Variants in CLIP1 observed in about 807,000 individuals in gnomAD.
CLIP1 encodes the protein CAP-Gly domain containing linker protein 1, also known as CAP-Gly domain-containing linker protein 1.
A neutral mutation model predicts 161.6 loss-of-function variants in CLIP1; 66 were observed. The observed-to-expected ratio is 0.41, with a 90% CI of 0.33 to 0.50. The LOEUF (loss-of-function observed/expected upper bound fraction) is 0.50. Among genes scored for constraint, CLIP1 ranks in the 20% least tolerant of loss-of-function variants. CLIP1 has a pLI of 0.27. For missense variants in CLIP1, 1,376 were observed against 1,702.0 expected (o/e 0.81, Z 3.37); for synonymous variants, 598 against 626.2 (o/e 0.96, Z 0.67).
chr12:122,286,894 A>C (rs1955878722), intron 21 of CLIP1, among the ~76,000 whole-genome samples: 1 of 152,032 alleles, frequency 6.6e-6, no homozygotes, highest in African/African-American at 2.4e-5. Context: ...GCTACTCAGG[A>C]GGGGGAGGCA....
intron 20 of CLIP1, among the ~76,000 whole-genome samples, chr12:122,289,814 T>TTTTTTC (rs375931432): frequency 0.065 from 9,823 of 151,308 alleles, 329 homozygotes; most frequent in Middle Eastern, 0.12. Context: ...TGTTTTTTTT[T>TTTTTTC]TTTTTTCTTT....
intron 17 of CLIP1, among the ~76,000 whole-genome samples, chr12:122,324,840 T>C (rs1420712634): frequency 6.6e-6 from 1 of 152,186 alleles, no homozygotes; most frequent in Non-Finnish European, 1.5e-5. Context: ...AATAAACTAC[T>C]GCCTTCCAAA....
rs977082015 is a variant in CLIP1, at chr12:122,391,268, A to G, written c.-106-10710T>C. On this transcript the variant is annotated intron_variant, in intron 1 of 25. Coordinates refer to ENST00000620786, the MANE Select transcript of CLIP1 (RefSeq NM_001247997.2). ...ATGTCACTGCACTCCAGCCCGGGTG[A>G]CAAAGCAAGACTCCGTCTAACAAAA... Among the ~76,000 whole-genome samples the G allele has an allele frequency of 3.3e-5, 5 of 151,910 alleles. No homozygotes were observed. The East Asian group carries it at 9.7e-4, about 29-fold the overall frequency.
intron 1 of CLIP1, among the ~76,000 whole-genome samples, chr12:122,393,248 C>A (rs934747466): frequency 3.3e-5 from 5 of 151,800 alleles, no homozygotes; most frequent in African/African-American, 1.2e-4. Context: ...GCAACCTCTG[C>A]CTCCTGGGTT....
At chr12:122,334,738 A>T in intron 12 of CLIP1, 33 bp from the exon 13 acceptor site, 2 of 1,343,302 alleles carry the variant, frequency 1.5e-6, no homozygotes, top group Non-Finnish European at 2.1e-6. Context: ...TCTGAACAGA[A>T]AGATTTCAAA....
At chr12:122,384,069 C>A (rs1320692013) in intron 1 of CLIP1, among the ~76,000 whole-genome samples, 1 of 152,116 alleles carries the variant, frequency 6.6e-6, no homozygotes, top group African/African-American at 2.4e-5. Context: ...GAATTAGCCA[C>A]TATTATTACC....
intron 15 of CLIP1, among the ~76,000 whole-genome samples, chr12:122,329,289 T>G (rs1951836470): frequency 6.6e-6 from 1 of 152,036 alleles, no homozygotes; most frequent in African/African-American, 2.4e-5. Context: ...ATCGCATCAC[T>G]GCAGTCCAGC....
At chr12:122,378,048 C>T in intron 2 of CLIP1, 88 bp from the exon 3 acceptor site, 1 of 1,149,878 alleles carries the variant, frequency 8.7e-7, no homozygotes, top group South Asian at 1.5e-5. Context: ...GCCAACAGCC[C>T]ACAGGAGTAG....
intron 1 of CLIP1, among the ~76,000 whole-genome samples, chr12:122,385,401 A>G (rs1157321973): frequency 2.0e-5 from 3 of 152,118 alleles, no homozygotes; most frequent in Non-Finnish European, 4.4e-5. Context: ...GTGCATGCAA[A>G]TCTCCCCAGG....
intron 20 of CLIP1, among the ~76,000 whole-genome samples, chr12:122,301,213 A>G (rs1444196431): frequency 6.6e-6 from 1 of 152,256 alleles, no homozygotes; most frequent in Non-Finnish European, 1.5e-5. Context: ...CTGCCTGAAC[A>G]GGAATAGGGT....
Position 122,341,069 on chromosome 12 carries a change from G to A in CLIP1, c.2135C>T (p.Ala712Val). ...TGCTTTGTCCAGTTTCGACCTGATG[G>A]CTTCCAGACTGTTTTCCTTTTCTTT... ...VIKEKENSLE[A>V]IRSKLDKAED... is the part of the protein sequence containing the mutation. Residue 712 changes from alanine to valine, a missense_variant, in exon 11 of 26, where the codon GCC (alanine) becomes GTC (valine). Ala to Val is a moderately conservative substitution (Grantham distance 64, BLOSUM62 0). Around this residue, in one of 6 missense-constraint regions of CLIP1, gnomAD observed 948 missense variants for 1,134.8 expected, o/e 0.84. Transcript: ENST00000620786. 1.2e-6 allele frequency: 2 copies of A among 1,613,792 alleles called. No individual in the cohort carries two copies. Among genetic ancestry groups the A allele is most frequent in the Non-Finnish European group, 1.7e-6 (2 of 1,179,988 alleles).
At chr12:122,287,058 G>A (rs2136283043) in intron 21 of CLIP1, among the ~76,000 whole-genome samples, 1 of 152,178 alleles carries the variant, frequency 6.6e-6, no homozygotes, top group East Asian at 1.9e-4. Flanking sequence ...TGTAGTCCCA[G>A]CCACTTGGGA....
At chr12:122,354,851 C>T in intron 6 of CLIP1, 2 of 580,602 alleles carry the variant, frequency 3.4e-6, no homozygotes, top group South Asian at 4.3e-5. Context: ...GCCCTAGTAA[C>T]CAAGCTGGCC....
At chr12:122,358,457 G>GAAAAAAGA (rs1555271967) in intron 5 of CLIP1, among the ~76,000 whole-genome samples, 1 of 144,416 alleles carries the variant, frequency 6.9e-6, no homozygotes, top group African/African-American at 2.6e-5. Context: ...AAAGAAAAAA[G>GAAAAAAGA]AAAAAAAAAA....
chr12:122,275,965 C>T (rs1272607244), intron 24 of CLIP1: 1 of 152,598 alleles, frequency 6.6e-6, no homozygotes, highest in Non-Finnish European at 1.5e-5. Flanking sequence ...ACAAGATGGC[C>T]AACAGGAGGG....
At chr12:122,405,578 G>A (rs1413576830) in intron 1 of CLIP1, among the ~76,000 whole-genome samples, 1 of 150,410 alleles carries the variant, frequency 6.6e-6, no homozygotes, top group East Asian at 2.0e-4. Context: ...CACCTGAGGT[G>A]AAGAGTTCAA....
At position 122,323,551 on chromosome 12, in the gene CLIP1, A is replaced by ACTT. The variant is rs1951597486; in HGVS notation, c.3250-4204_3250-4203insAAG. The stretch of plus-strand genomic sequence containing the variant: ...CATCATCCAGCTGTGCGCGGAGCCC[A>ACTT]CTGGCTTCTGAGCGGAGCAGCTGTT... On this transcript the variant is annotated intron_variant, in intron 17 of 25. Coordinates refer to ENST00000620786, the MANE Select transcript of CLIP1 (RefSeq NM_001247997.2). This position sits in a 1 kb window ranked among gnomAD's most constrained non-coding sequence, Gnocchi z 4.1. 6.6e-6 allele frequency: 1 copy of ACTT among 152,570 alleles called. No homozygotes were observed. The highest frequency in any genetic ancestry group is 1.9e-4 in the East Asian group (1 of 5,186). The allele number at this position is 152,570 out of a possible 1,614,324, so 9.5% of individuals were successfully genotyped here. A position where few individuals can be genotyped will look rare whatever the true frequency, so the allele number is the denominator to read the frequency against.
At chr12:122,364,659 C>G (rs1346331464) in intron 3 of CLIP1, 1 of 431,140 alleles carries the variant, frequency 2.3e-6, no homozygotes, top group African/African-American at 2.0e-5. Flanking sequence ...CCCACCTCAG[C>G]TTCCCAAAGT....
At chr12:122,288,135 T>C (rs771915883) in intron 21 of CLIP1, among the ~76,000 whole-genome samples, 2 of 151,772 alleles carry the variant, frequency 1.3e-5, no homozygotes, top group Non-Finnish European at 2.9e-5. Context: ...CAGGTTCAAG[T>C]GATTCTCCTG....
Sources: allele counts gnomAD v4.1 joint callset (sites outside exome capture counted in the v4.1 genomes callset), GRCh38; gene constraint gnomAD v4.1.1; regional missense constraint gnomAD v4.1.1; non-coding constraint Gnocchi (gnomAD v3.1); transcripts MANE v1.5; gene names NCBI Gene and HGNC (gene_info 2026-07-23, HGNC 2026-07-21).